Variants in TAS2R4 observed in about 807,000 individuals in gnomAD.
TAS2R4 encodes taste receptor type 2 member 4.
A neutral mutation model predicts 14.3 loss-of-function variants in TAS2R4; 18 were observed. The observed-to-expected ratio is 1.26, with a 90% CI of 0.87 to 1.86. TAS2R4 has a LOEUF of 1.86. Ranked by LOEUF, TAS2R4 falls within the 40% of genes most tolerant of loss-of-function variation. The pLI, the probability that TAS2R4 is intolerant of heterozygous loss-of-function variation, is 0.00. For missense variants in TAS2R4, 306 were observed against 342.7 expected (o/e 0.89, Z 0.85); for synonymous variants, 130 against 138.5 (o/e 0.94, Z 0.43).
At position 141,778,516 on chromosome 7, in the gene TAS2R4, A is replaced by G. The variant is rs950365921; in HGVS notation, c.28A>G (p.Ile10Val). The change falls in exon 1 of 1, where the codon ATT becomes GTT. Residue 10 changes from isoleucine (I) to valine (V), a missense_variant. Physicochemically the swap from Ile to Val is conservative, Grantham distance 29. Transcript: ENST00000247881. Reference protein sequence around the residue: MLRLFYFSAIIASVILNFVG... With the variant: MLRLFYFSAVIASVILNFVG... ...GCTTCGGTTATTCTATTTCTCTGCTATTATTGCCTCAGTTATTTTAAATTT... is the reference window on the plus strand; with the variant it reads ...GCTTCGGTTATTCTATTTCTCTGCTGTTATTGCCTCAGTTATTTTAAATTT... 19 of 1,613,570 alleles carry G rather than the reference A, an allele frequency of 1.2e-5. No homozygotes were observed. Among genetic ancestry groups the G allele is most frequent in the African/African-American group, 9.3e-5 (7 of 74,898 alleles).
rs2233994 is a variant in TAS2R4, at chr7:141,778,479, A to G, written c.-10A>G. On this transcript the variant is annotated 5_prime_UTR_variant, in exon 1 of 1. An upstream start codon of the reference 5' UTR is lost. Coordinates refer to ENST00000247881, the MANE Select transcript of TAS2R4 (RefSeq NM_016944.2). ...CAGCACCACAACTGCTGAATCCTCA[A>G]TGAGTAAAGATGCTTCGGTTATTCT... 597 of 1,599,034 alleles carry G rather than the reference A, an allele frequency of 3.7e-4. 4 individuals carry two copies. The African/African-American group carries it at 5.4e-3, about 14-fold the overall frequency.
chr7:141,779,162 A>G lies in TAS2R4; in HGVS notation c.674A>G (p.His225Arg), dbSNP rs1563039332. Reference protein sequence around the residue: ...TGFWNPQTEAHVGAMKLMVYF... With the variant: ...TGFWNPQTEARVGAMKLMVYF... The stretch of plus-strand genomic sequence containing the variant: ...TTCTGGAATCCCCAGACGGAAGCTC[A>G]TGTAGGTGCTATGAAGCTGATGGTC... The change falls in exon 1 of 1, where the codon CAT becomes CGT. Residue 225 changes from histidine (H) to arginine (R), a missense_variant. Physicochemically the swap from His to Arg is conservative, Grantham distance 29. Coordinates refer to ENST00000247881, the MANE Select transcript of TAS2R4 (RefSeq NM_016944.2). 1 of 1,614,160 alleles carries G rather than the reference A, an allele frequency of 6.2e-7. No homozygotes were observed.
chr7:141,779,320 G>A lies in TAS2R4; in HGVS notation c.832G>A (p.Val278Ile). Reference protein sequence around the residue: ...FATLYSPGHSVLIIITHPKLK... With the variant: ...FATLYSPGHSILIIITHPKLK... ...CACCCTTTACTCTCCAGGACATTCT[G>A]TTCTCATTATTATCACACATCCTAA... The change falls in exon 1 of 1, where the codon GTT becomes ATT. Residue 278 changes from valine to isoleucine, a missense_variant. Val to Ile is a conservative substitution (Grantham distance 29, BLOSUM62 3). Coordinates refer to ENST00000247881, the MANE Select transcript of TAS2R4 (RefSeq NM_016944.2). 2 of 1,614,060 alleles carry A rather than the reference G, an allele frequency of 1.2e-6. No individual in the cohort carries two copies. The highest frequency in any genetic ancestry group is 1.7e-6 in the Non-Finnish European group (2 of 1,180,008).
chr7:141,777,687 A>G lies in TAS2R4; in HGVS notation c.-802A>G, dbSNP rs1193035700. ...TAAATGCCTAAGAGAAAATAGCCAC[A>G]TATGATCTAAACATAAACCCAGATT... On this transcript the variant is annotated 5_prime_UTR_variant, in exon 1 of 1. Transcript: ENST00000247881. Among the ~76,000 whole-genome samples the G allele has an allele frequency of 6.6e-6, 1 of 152,230 alleles. No individual in the cohort carries two copies. Among genetic ancestry groups the G allele is most frequent in the Non-Finnish European group, 1.5e-5 (1 of 68,048 alleles).
rs749948398 is a variant in TAS2R4, at chr7:141,778,930, A to G, written c.442A>G (p.Ile148Val). Residue 148 changes from isoleucine (I) to valine (V), a missense_variant, in exon 1 of 1, where the codon ATC becomes GTC. Ile to Val is a conservative substitution (Grantham distance 29). Coordinates refer to ENST00000247881, the MANE Select transcript of TAS2R4 (RefSeq NM_016944.2). The part of the protein sequence containing the change: ...LISAFTTCLY[I>V]TLSQASPFPE... ...TTCTGCTTTCACCACTTGCCTGTAC[A>G]TCACGCTTAGCCAGGCATCACCTTT... is the stretch of plus-strand genomic sequence containing the variant. 3.0e-5 allele frequency: 48 copies of G among 1,614,094 alleles called. No homozygotes were observed. The highest frequency in any genetic ancestry group is 3.3e-4 in the Middle Eastern group (2 of 6,084).
Position 141,778,552 on chromosome 7 carries a change from A to G in TAS2R4, c.64A>G (p.Ile22Val). 1 of 1,614,134 alleles carries G rather than the reference A, an allele frequency of 6.2e-7. No individual in the cohort carries two copies. Among genetic ancestry groups the G allele is most frequent in the Non-Finnish European group, 8.5e-7 (1 of 1,180,014 alleles). ...ASVILNFVGI[I>V]MNLFITVVNC... ...AGTTATTTTAAATTTTGTAGGAATC[A>G]TTATGAATCTGTTTATTACAGTGGT... Residue 22 changes from isoleucine to valine, a missense_variant, in exon 1 of 1, where the codon ATT becomes GTT. Coordinates refer to ENST00000247881, the MANE Select transcript of TAS2R4 (RefSeq NM_016944.2).
rs531737226 is a variant in TAS2R4, at chr7:141,779,149, C to T, written c.661C>T (p.Gln221Ter). Residue 221 changes from glutamine (Q) to a stop codon, truncating the protein, a stop_gained, in exon 1 of 1, where the codon CAG becomes TAG. Coordinates refer to ENST00000247881, the MANE Select transcript of TAS2R4 (RefSeq NM_016944.2). LOFTEE classifies it high-confidence loss of function. ...AAATGCCACTGGTTTCTGGAATCCC[C>T]AGACGGAAGCTCATGTAGGTGCTAT... ...QKNATGFWNP[Q>*]TEAHVGAMKL... 2 of 1,614,158 alleles carry T rather than the reference C, an allele frequency of 1.2e-6. No individual in the cohort carries two copies. Among genetic ancestry groups the T allele is most frequent in the Admixed American group, 1.7e-5 (1 of 60,022 alleles).
In TAS2R4 at chr7:141,778,760, T is replaced by C; in HGVS notation, c.272T>C (p.Leu91Ser). 2 of 1,614,268 alleles carry C rather than the reference T, an allele frequency of 1.2e-6. No homozygotes were observed. The highest frequency in any genetic ancestry group is 1.7e-6 in the Non-Finnish European group (2 of 1,180,054). ...TTTTTTGTGTTGTGTTTCATGTTTTTGGACTCGAGCAGTGTCTGGTTTGTG... is the reference window on the plus strand; with the variant it reads ...TTTTTTGTGTTGTGTTTCATGTTTTCGGACTCGAGCAGTGTCTGGTTTGTG... ...SAFFVLCFMF[L>S]DSSSVWFVTL... The change falls in exon 1 of 1, where the codon TTG becomes TCG. Residue 91 changes from leucine to serine, a missense_variant. Leu to Ser is a moderately radical substitution (Grantham distance 145, BLOSUM62 -2). Transcript: ENST00000247881.
In TAS2R4 at chr7:141,778,848, G is replaced by C; in HGVS notation, c.360G>C (p.Leu120=). ...ACTTCCAACACTCAGTGTTTCTCCT[G>C]CTGAAGCGGAATATCTCCCCAAAGA... The part of the protein sequence containing the change: ...ITNFQHSVFL[L]LKRNISPKIP... Residue 120 remains leucine, a synonymous_variant, in exon 1 of 1, where the codon CTG becomes CTC. Coordinates refer to ENST00000247881, the MANE Select transcript of TAS2R4 (RefSeq NM_016944.2). The C allele has an allele frequency of 6.2e-7, 1 of 1,614,182 alleles. No individual in the cohort carries two copies.
rs1054102541 is a variant in TAS2R4, at chr7:141,779,611, A to T, written c.*223A>T. On this transcript the variant is annotated 3_prime_UTR_variant, in exon 1 of 1. Transcript: ENST00000247881. ...CTGTAAGAAACTTTTTTGAGGCATT[A>T]TTTGTCATGTATTTTGCATGGCCAT... 7 of 471,712 alleles carry T rather than the reference A, an allele frequency of 1.5e-5. No individual in the cohort carries two copies. Among genetic ancestry groups the T allele is most frequent in the African/African-American group, 1.2e-4 (6 of 51,088 alleles). The allele number at this position is 471,712 out of a possible 1,614,324, so 29.2% of individuals were successfully genotyped here. A position where few individuals can be genotyped will look rare whatever the true frequency, so the allele number is the denominator to read the frequency against.
In TAS2R4 at chr7:141,779,379, CA is replaced by C. The variant is rs749747463; in HGVS notation, c.897del (p.Lys299AsnfsTer10). 3.8e-6 allele frequency: 6 copies of C among 1,590,126 alleles called. No homozygotes were observed. The South Asian group carries it at 5.7e-5, about 15-fold the overall frequency. On this transcript the variant is annotated frameshift_variant, in exon 1 of 1. Transcript: ENST00000247881. LOFTEE classifies it high-confidence loss of function. ...CAACAGCAAAGAAGATTCTTTGTTT[CA>C]AAAAATAGTGGAATTTCAGTAAACA... ...KTTAKKILCF[K>X]K
rs1457484929 is a variant in TAS2R4, at chr7:141,776,991, T to C, written c.-1498T>C. ...TGTTACTATCTAATTCTGGGATTCC[T>C]GCTCTTTTGGCCACATTTATCTGTT... is the stretch of plus-strand genomic sequence containing the variant. On this transcript the variant is annotated 5_prime_UTR_variant, in exon 1 of 1. Transcript: ENST00000247881. Among the ~76,000 whole-genome samples, 1 of 152,238 alleles carries C rather than the reference T, an allele frequency of 6.6e-6. No homozygotes were observed. The highest frequency in any genetic ancestry group is 6.5e-5 in the Admixed American group (1 of 15,292).
rs1042556417 is a variant in TAS2R4 at position 141,780,799 on chromosome 7, T to A, written c.*1411T>A. The A allele has an allele frequency of 3.9e-5, 6 of 152,204 alleles. No individual in the cohort carries two copies. Among genetic ancestry groups the A allele is most frequent in the African/African-American group, 1.4e-4 (6 of 41,434 alleles). The allele number at this position is 152,204 out of a possible 1,614,324, so 9.4% of individuals were successfully genotyped here. ...GTAATATTTACATATGTCAAATAAA[T>A]CTTAAAATTTTATAAATTACATGAC... On this transcript the variant is annotated 3_prime_UTR_variant, in exon 1 of 1. Transcript: ENST00000247881.
rs1800260801 is a variant in TAS2R4, at chr7:141,777,717, A to C, written c.-772A>C. Among the ~76,000 whole-genome samples the C allele has an allele frequency of 6.6e-6, 1 of 152,258 alleles. No homozygotes were observed. On this transcript the variant is annotated 5_prime_UTR_variant, in exon 1 of 1. Coordinates refer to ENST00000247881, the MANE Select transcript of TAS2R4 (RefSeq NM_016944.2). ...ATCTAAACATAAACCCAGATTTATA[A>C]AGGAAACACCTACAAGGGCTGACTT...
rs965646001 is a variant in TAS2R4 at position 141,778,576 on chromosome 7, G to A, written c.88G>A (p.Val30Ile). The change falls in exon 1 of 1, where the codon GTC (valine) becomes ATC (isoleucine). Residue 30 changes from valine (V) to isoleucine (I), a missense_variant. By Grantham distance (29) the Val-to-Ile change is conservative. Transcript: ENST00000247881. ...CATTATGAATCTGTTTATTACAGTG[G>A]TCAATTGCAAAACTTGGGTCAAAAG... Reference protein sequence around the residue: ...GIIMNLFITVVNCKTWVKSHR... With the variant: ...GIIMNLFITVINCKTWVKSHR... 6.2e-7 allele frequency: 1 copy of A among 1,614,096 alleles called. No homozygotes were observed. Among genetic ancestry groups the A allele is most frequent in the Non-Finnish European group, 8.5e-7 (1 of 1,180,018 alleles).
In TAS2R4 at chr7:141,779,398, A is replaced by C; in HGVS notation, c.*10A>C. 6.3e-7 allele frequency: 1 copy of C among 1,588,742 alleles called. No individual in the cohort carries two copies. The highest frequency in any genetic ancestry group is 2.2e-5 in the East Asian group (1 of 44,550). On this transcript the variant is annotated 3_prime_UTR_variant, in exon 1 of 1. Transcript: ENST00000247881. ...TTGTTTCAAAAAATAGTGGAATTTC[A>C]GTAAACAATACCTAGATTTACCTGA... is the stretch of plus-strand genomic sequence containing the variant.
At position 141,779,279 on chromosome 7, in the gene TAS2R4, T is replaced by G. The variant is rs1213760911; in HGVS notation, c.791T>G (p.Ile264Ser). The G allele has an allele frequency of 6.2e-7, 1 of 1,614,162 alleles. No homozygotes were observed. The highest frequency in any genetic ancestry group is 8.5e-7 in the Non-Finnish European group (1 of 1,180,016). ...GGGATGGATATGGGGACCAAATCCA[T>G]TTGTCTGATTTTTGCCACCCTTTAC... ...YAGMDMGTKS[I>S]CLIFATLYSP... Residue 264 changes from isoleucine (I) to serine (S), a missense_variant, in exon 1 of 1, where the codon ATT becomes AGT. Physicochemically the swap from Ile to Ser is moderately radical, Grantham distance 142. Coordinates refer to ENST00000247881, the MANE Select transcript of TAS2R4 (RefSeq NM_016944.2).
rs756635205 is a variant in TAS2R4, at chr7:141,778,817, T to C, written c.329T>C (p.Ile110Thr). The C allele has an allele frequency of 1.9e-6, 3 of 1,614,212 alleles. No homozygotes were observed. Among genetic ancestry groups the C allele is most frequent in the Admixed American group, 1.7e-5 (1 of 60,024 alleles). ...CTCAATATCTTGTACTGTGTGAAGATTACTAACTTCCAACACTCAGTGTTT... is the reference window on the plus strand; with the variant it reads ...CTCAATATCTTGTACTGTGTGAAGACTACTAACTTCCAACACTCAGTGTTT... The part of the protein sequence containing the change: ...TLLNILYCVK[I>T]TNFQHSVFLL... Residue 110 changes from isoleucine (I) to threonine (T), a missense_variant, in exon 1 of 1, where the codon ATT becomes ACT. Coordinates refer to ENST00000247881, the MANE Select transcript of TAS2R4 (RefSeq NM_016944.2).
rs1800303439 is a variant in TAS2R4, at chr7:141,780,097, A to C, written c.*709A>C. ...GTGGCGGGCACCTGTAGTCCCAGCT[A>C]CTCGGGAGGCTGAGGCAGGAGAATG... On this transcript the variant is annotated 3_prime_UTR_variant, in exon 1 of 1. Coordinates refer to ENST00000247881, the MANE Select transcript of TAS2R4 (RefSeq NM_016944.2). 6.6e-6 allele frequency: 1 copy of C among 152,294 alleles called. No homozygotes were observed. The highest frequency in any genetic ancestry group is 1.5e-5 in the Non-Finnish European group (1 of 68,232). The allele number at this position is 152,294 out of a possible 1,614,324, so 9.4% of individuals were successfully genotyped here. A position where few individuals can be genotyped will look rare whatever the true frequency, so the allele number is the denominator to read the frequency against.
Sources: gnomAD v4.1 joint callset for allele counts (sites outside exome capture counted in the v4.1 genomes callset) on GRCh38, gnomAD v4.1.1 for gene constraint, MANE v1.5 for transcripts, NCBI Gene and HGNC (gene_info 2026-07-23, HGNC 2026-07-21) for gene names.